CHSY3: variants seen among roughly 807,000 people sequenced by gnomAD.
CHSY3 encodes the protein N-acetylgalactosaminyl-proteoglycan 3-beta-glucuronosyltransferase 3.
Under a neutral mutation model 67.2 loss-of-function variants are expected in CHSY3, and 35 were observed. The observed-to-expected ratio is 0.52, with a 90% confidence interval of 0.40 to 0.69. The LOEUF is 0.69. Ranked by LOEUF, CHSY3 falls within the 30% of genes least tolerant of loss-of-function variation. The pLI, the probability that CHSY3 is intolerant of heterozygous loss-of-function variation, is 0.00. For missense variants in CHSY3, 1,069 were observed against 1,138.5 expected (o/e 0.94, Z 0.88); for synonymous variants, 474 against 434.7 (o/e 1.09, Z -1.12).
At chr5:129,951,011 T>A (rs558848039) in intron 2 of CHSY3, among the ~76,000 whole-genome samples, 1 of 152,264 alleles carries the variant, frequency 6.6e-6, no homozygotes, top group Admixed American at 6.5e-5. Context: ...GCTATAGTAC[T>A]CAAAACAGTG....
chr5:129,955,794 G>C (rs1375643454), intron 2 of CHSY3, among the ~76,000 whole-genome samples: 1 of 152,026 alleles, frequency 6.6e-6, no homozygotes, highest in East Asian at 1.9e-4. Context: ...TGTGGTATTT[G>C]CTTTTCTGTT....
At chr5:129,967,794 A>G (rs572712760) in intron 2 of CHSY3, among the ~76,000 whole-genome samples, 100 of 151,916 alleles carry the variant, frequency 6.6e-4, no homozygotes, top group African/African-American at 2.3e-3. Context: ...GGCAGTCATT[A>G]ATTTTCCTAA....
chr5:130,140,637 T>C (rs150407956), intron 2 of CHSY3: 97 of 394,452 alleles, frequency 2.5e-4, no homozygotes, highest in African/African-American at 1.9e-3. Context: ...ACTTTTGATG[T>C]GTCAACCCTC....
In CHSY3 at chr5:129,922,460, CA is replaced by C. The variant is rs368612775; in HGVS notation, c.1086+14102del. On this transcript the variant is annotated intron_variant, in intron 2 of 2. Transcript: ENST00000305031. ...AATTTACATTCCCACCAAAAGTGTACAAGGGTTCCCTTTTCTCCACATTCTC... is the reference window on the plus strand; with the variant it reads ...AATTTACATTCCCACCAAAAGTGTACAGGGTTCCCTTTTCTCCACATTCTC... Among the ~76,000 whole-genome samples the C allele has an allele frequency of 5.7e-4, 87 of 152,292 alleles. No individual in the cohort carries two copies. In the East Asian group the frequency reaches 0.015, roughly 26 times the overall value.
chr5:130,133,474 T>C (rs183833573), intron 2 of CHSY3, among the ~76,000 whole-genome samples: 41 of 152,126 alleles, frequency 2.7e-4, no homozygotes, highest in Non-Finnish European at 4.9e-4. Context: ...AGCATCAAGA[T>C]AAGTTTACAA....
intron 2 of CHSY3, among the ~76,000 whole-genome samples, chr5:129,988,002 T>G (rs1763254363): frequency 6.6e-6 from 1 of 152,192 alleles, no homozygotes; most frequent in South Asian, 2.1e-4. Flanking sequence ...TAAAATTTTT[T>G]AGGTACCTGA....
rs867938139 is a variant in CHSY3, at chr5:129,978,780, G to A, written c.1086+70420G>A. On this transcript the variant is annotated intron_variant, in intron 2 of 2. Coordinates refer to ENST00000305031, the MANE Select transcript of CHSY3 (RefSeq NM_175856.5). ...TATATAAAAGTATTTTAATCTACCC[G>A]AAAAAGGAAATATATTTGATAATTT... is the stretch of plus-strand genomic sequence containing the variant. Among the ~76,000 whole-genome samples, 48 of 151,858 alleles carry A rather than the reference G, an allele frequency of 3.2e-4. No homozygotes were observed. In the Middle Eastern group the frequency reaches 0.01, roughly 32 times the overall value.
At chr5:129,937,306 G>A (rs1275375369) in intron 2 of CHSY3, among the ~76,000 whole-genome samples, 1 of 152,154 alleles carries the variant, frequency 6.6e-6, no homozygotes, top group Admixed American at 6.5e-5. Context: ...TAAGGAACAA[G>A]TGCTACACAC....
chr5:129,965,271 G>C (rs1364648360), intron 2 of CHSY3, among the ~76,000 whole-genome samples: 1 of 151,922 alleles, frequency 6.6e-6, no homozygotes, highest in Non-Finnish European at 1.5e-5. Context: ...TTAGAACTGA[G>C]ATTTGTCATC....
chr5:130,013,915 T>G (rs1260259158), intron 2 of CHSY3, among the ~76,000 whole-genome samples: 1 of 152,234 alleles, frequency 6.6e-6, no homozygotes, highest in Admixed American at 6.5e-5. Context: ...TTTTCCAAAC[T>G]GCTATGCTCT....
At chr5:130,069,810 T>C (rs1357848582) in intron 2 of CHSY3, among the ~76,000 whole-genome samples, 1 of 152,094 alleles carries the variant, frequency 6.6e-6, no homozygotes, top group East Asian at 1.9e-4. Flanking sequence ...TACCTTTATG[T>C]TTCTCCTTCT....
chr5:129,979,199 C>CAAAAAAAAAAA (rs58584381), intron 2 of CHSY3, among the ~76,000 whole-genome samples: 9 of 62,536 alleles, frequency 1.4e-4, no homozygotes, highest in Non-Finnish European at 1.4e-4. Context: ...GACTCCGTCT[C>CAAAAAAAAAAA]AAAAAAAAAA....
intron 2 of CHSY3, among the ~76,000 whole-genome samples, chr5:130,090,443 C>T (rs1251518889): frequency 6.6e-6 from 1 of 152,166 alleles, no homozygotes. Flanking sequence ...CTCCAGTCCA[C>T]ATGGTCCACA....
rs946195835 is a variant in CHSY3, at chr5:130,066,603, C to A, written c.1087-117626C>A. Among the ~76,000 whole-genome samples the A allele has an allele frequency of 2.0e-5, 3 of 152,120 alleles. 1 individual carries two copies. Among genetic ancestry groups the A allele is most frequent in the Non-Finnish European group, 4.4e-5 (3 of 68,014 alleles). ...TCCTTAAGCAATCTCAAGAATTCCA[C>A]CCAGTCCTTAGGTTAGTAAAGCTTT... On this transcript the variant is annotated intron_variant, in intron 2 of 2. Coordinates refer to ENST00000305031, the MANE Select transcript of CHSY3 (RefSeq NM_175856.5).
In CHSY3 at chr5:130,129,471, A is replaced by G. The variant is rs1277950778; in HGVS notation, c.1087-54758A>G. On this transcript the variant is annotated intron_variant, in intron 2 of 2. Coordinates refer to ENST00000305031, the MANE Select transcript of CHSY3 (RefSeq NM_175856.5). ...CTTCATATGGCACAAATTAATTTATAACACACAAGACATTTATTATCCTGT... is the reference window on the plus strand; with the variant it reads ...CTTCATATGGCACAAATTAATTTATGACACACAAGACATTTATTATCCTGT... Among the ~76,000 whole-genome samples, 4 of 152,296 alleles carry G rather than the reference A, an allele frequency of 2.6e-5. No individual in the cohort carries two copies. The East Asian group carries it at 7.7e-4, about 29-fold the overall frequency.
At chr5:130,172,615 G>A (rs530664241) in intron 2 of CHSY3, among the ~76,000 whole-genome samples, 91 of 152,300 alleles carry the variant, frequency 6.0e-4, no homozygotes, top group Non-Finnish European at 1.0e-3. Flanking sequence ...ACAGGTGTGA[G>A]CCACTGTGCC....
At chr5:130,150,439 A>G (rs1379769248) in intron 2 of CHSY3, among the ~76,000 whole-genome samples, 1 of 152,190 alleles carries the variant, frequency 6.6e-6, no homozygotes, top group Non-Finnish European at 1.5e-5. Flanking sequence ...AGGTCACAAT[A>G]TTTATTACTT....
chr5:130,138,973 T>C (rs150508653), intron 2 of CHSY3, among the ~76,000 whole-genome samples: 1 of 152,306 alleles, frequency 6.6e-6, no homozygotes, highest in Non-Finnish European at 1.5e-5. Context: ...TATGCAAATA[T>C]AGATGTTACA....
intron 2 of CHSY3, among the ~76,000 whole-genome samples, chr5:130,083,347 T>A (rs562698962): frequency 6.6e-6 from 1 of 152,184 alleles, no homozygotes; most frequent in Admixed American, 6.6e-5. Flanking sequence ...GCAAAGCATC[T>A]TTTTTCACTG....
Sources: allele counts gnomAD v4.1 joint callset (sites outside exome capture counted in the v4.1 genomes callset), GRCh38; gene constraint gnomAD v4.1.1; transcripts MANE v1.5; gene names NCBI Gene and HGNC (gene_info 2026-07-23, HGNC 2026-07-21).